Variants in PSD3 observed in about 807,000 individuals in gnomAD.
PSD3 encodes PH and SEC7 domain-containing protein 3.
A neutral mutation model predicts 105.5 loss-of-function variants in PSD3; 49 were observed. The ratio of observed to expected loss-of-function variants is 0.46; its 90% CI spans 0.37 to 0.59. PSD3 has a LOEUF of 0.59. Among genes scored for constraint, PSD3 ranks in the 20% least tolerant of loss-of-function variants. The probability of loss-of-function intolerance (pLI) is 0.00; values close to 1 mark genes in which losing one functional copy is unlikely to be tolerated. For missense variants in PSD3, 1,561 were observed against 1,263.8 expected (o/e 1.24, Z -3.57); for synonymous variants, 557 against 457.8 (o/e 1.22, Z -2.77).
intron 1 of PSD3, among the ~76,000 whole-genome samples, chr8:19,006,360 ACTATGTTTCACATAGTAC>A (rs1367123771): frequency 1.3e-5 from 2 of 151,694 alleles, no homozygotes; most frequent in Non-Finnish European, 2.9e-5. Context: ...ACTCACACAT[ACTATGTTTCACATAGTAC>A]CTAGCCCATA....
chr8:18,787,531 A>G (rs762299584), intron 8 of PSD3, among the ~76,000 whole-genome samples: 2 of 152,204 alleles, frequency 1.3e-5, no homozygotes, highest in Non-Finnish European at 2.9e-5. Flanking sequence ...GAACCCCAAA[A>G]TTCCAGGCAG....
intron 13 of PSD3, among the ~76,000 whole-genome samples, 182 bp from the exon 14 acceptor site, chr8:18,572,854 C>A (rs1350878903): frequency 6.6e-6 from 1 of 152,144 alleles, no homozygotes; most frequent in East Asian, 1.9e-4. Context: ...ACCAAAGAAG[C>A]TATGATCATC....
At chr8:18,773,873 C>T (rs2129444601) in intron 8 of PSD3, among the ~76,000 whole-genome samples, 1 of 152,238 alleles carries the variant, frequency 6.6e-6, no homozygotes, top group Non-Finnish European at 1.5e-5. Context: ...AATAAAGTTC[C>T]AATACATGAC....
chr8:18,833,576 C>A (rs965813552), intron 4 of PSD3, among the ~76,000 whole-genome samples: 2 of 152,118 alleles, frequency 1.3e-5, no homozygotes, highest in Non-Finnish European at 2.9e-5. Context: ...TGGAGAAAAT[C>A]TTTGGGGTTA....
intron 12 of PSD3, among the ~76,000 whole-genome samples, chr8:18,599,248 C>A (rs1585347072): frequency 6.6e-6 from 1 of 152,030 alleles, no homozygotes; most frequent in Non-Finnish European, 1.5e-5. Flanking sequence ...AGAGCTCAGA[C>A]AAATTCAACA....
intron 4 of PSD3, among the ~76,000 whole-genome samples, chr8:18,805,927 T>A (rs1811155089): frequency 6.6e-6 from 1 of 152,178 alleles, no homozygotes; most frequent in South Asian, 2.1e-4. Context: ...CCAATAACCA[T>A]AGTTTGTCAG....
intron 11 of PSD3, among the ~76,000 whole-genome samples, chr8:18,611,899 G>A (rs1173204531): frequency 6.6e-6 from 1 of 152,104 alleles, no homozygotes; most frequent in East Asian, 1.9e-4. Context: ...TGACTAAAAG[G>A]CAGCAGGGAA....
chr8:18,746,252 A>C (rs1172752741), intron 9 of PSD3, among the ~76,000 whole-genome samples: 2 of 152,094 alleles, frequency 1.3e-5, no homozygotes, highest in African/African-American at 2.4e-5. Flanking sequence ...TTACAAACCA[A>C]TCAGCATGCA....
intron 4 of PSD3, among the ~76,000 whole-genome samples, chr8:18,842,549 C>T (rs1203705321): frequency 2.6e-5 from 4 of 152,006 alleles, no homozygotes; most frequent in Admixed American, 6.5e-5. Context: ...CTGGCTAACA[C>T]GGTGAAACCC....
At chr8:18,607,145 A>G (rs541618372) in intron 11 of PSD3, among the ~76,000 whole-genome samples, 13 of 152,160 alleles carry the variant, frequency 8.5e-5, no homozygotes, top group Non-Finnish European at 1.8e-4. Flanking sequence ...TAAGAGGGAA[A>G]TATAACCAGG....
At chr8:18,889,384 T>C (rs1279390845) in intron 2 of PSD3, among the ~76,000 whole-genome samples, 1 of 152,232 alleles carries the variant, frequency 6.6e-6, no homozygotes, top group South Asian at 2.1e-4. Context: ...AACACCCCTG[T>C]GCGAGCGTGC....
intron 1 of PSD3, among the ~76,000 whole-genome samples, chr8:18,976,627 A>G (rs1261994075): frequency 6.6e-6 from 1 of 152,202 alleles, no homozygotes; most frequent in East Asian, 1.9e-4. Flanking sequence ...AAACAGGGAT[A>G]ATAACAATAA....
rs557815335 is a variant in PSD3, at chr8:18,693,383, A to C, written c.2173-37698T>G. On this transcript the variant is annotated intron_variant, in intron 9 of 15. Coordinates refer to ENST00000327040, the MANE Select transcript of PSD3 (RefSeq NM_015310.4). ...CTATGAGCCAAACGGACCTGTGTTC[A>C]TATCTTGGCTTTGTCATTGACTGGT... is the stretch of plus-strand genomic sequence containing the variant. 2.2e-4 allele frequency among the ~76,000 whole-genome samples: 33 copies of C among 152,334 alleles called. No homozygotes were observed. In the South Asian group the frequency reaches 4.6e-3, roughly 21 times the overall value.
chr8:18,912,766 A>G (rs1409809464), intron 2 of PSD3, among the ~76,000 whole-genome samples: 1 of 152,158 alleles, frequency 6.6e-6, no homozygotes, highest in East Asian at 1.9e-4. Context: ...GTGGGACCCT[A>G]TTGCTTCATC....
At chr8:19,071,317 C>T (rs184963572) in intron 1 of PSD3, among the ~76,000 whole-genome samples, 297 of 136,298 alleles carry the variant, frequency 2.2e-3, no homozygotes, top group Non-Finnish European at 3.6e-3. Flanking sequence ...ATCCTCCCAC[C>T]TCGGCCTCCT....
At chr8:18,799,141 T>A in intron 8 of PSD3, 154 bp downstream of exon 8, 1 of 680,644 alleles carries the variant, frequency 1.5e-6, no homozygotes, top group Non-Finnish European at 2.6e-6. Flanking sequence ...AATAAAAAAA[T>A]TATTTCTTTT....
chr8:18,926,351 CAA>C (rs1254931087), intron 2 of PSD3, among the ~76,000 whole-genome samples: 2 of 151,290 alleles, frequency 1.3e-5, no homozygotes, highest in Non-Finnish European at 2.9e-5. Context: ...AATTATAAAA[CAA>C]ATGAATTTCA....
At chr8:18,991,553 G>T (rs1825809759) in intron 1 of PSD3, among the ~76,000 whole-genome samples, 1 of 152,088 alleles carries the variant, frequency 6.6e-6, no homozygotes, top group Non-Finnish European at 1.5e-5. Context: ...AATACCTGTG[G>T]AATGAGGGAG....
intron 9 of PSD3, among the ~76,000 whole-genome samples, chr8:18,695,129 T>C (rs1483482920): frequency 6.6e-6 from 1 of 152,154 alleles, no homozygotes; most frequent in African/African-American, 2.4e-5. Flanking sequence ...TAAAGATCCC[T>C]AGCAGAGGGA....
Sources: gnomAD v4.1 joint callset for allele counts (sites outside exome capture counted in the v4.1 genomes callset) on GRCh38, gnomAD v4.1.1 for gene constraint, MANE v1.5 for transcripts, NCBI Gene and HGNC (gene_info 2026-07-23, HGNC 2026-07-21) for gene names.